The following COG5 variants were observed in gnomAD, a reference collection of about 807,000 sequenced individuals.
COG5 encodes the protein conserved oligomeric Golgi complex subunit 5.
COG5 carries 86 observed loss-of-function variants against 110.4 expected under a neutral mutation model. That is an observed-to-expected ratio of 0.78 (90% CI 0.65 to 0.93). The LOEUF is 0.93. Ranked by LOEUF, COG5 falls within the 40% of genes least tolerant of loss-of-function variation. The pLI is 0.00. For synonymous variants in COG5, 360 were observed against 334.6 expected (o/e 1.08, Z -0.83); for missense variants, 1,077 against 987.0 (o/e 1.09, Z -1.22).
intron 6 of COG5, among the ~76,000 whole-genome samples, chr7:107,434,170 A>C (rs1202489916): frequency 6.6e-6 from 1 of 152,082 alleles, no homozygotes; most frequent in African/African-American, 2.4e-5. Context: ...GAAAATAACA[A>C]CTGTTGGCAA....
intron 6 of COG5, among the ~76,000 whole-genome samples, chr7:107,452,267 G>A (rs534241036): frequency 6.6e-5 from 10 of 152,080 alleles, no homozygotes; most frequent in Non-Finnish European, 1.0e-4. Context: ...AATACAAGTC[G>A]GATTACATTA....
intron 10 of COG5, among the ~76,000 whole-genome samples, chr7:107,331,911 G>A (rs1296108794): frequency 6.7e-6 from 1 of 148,514 alleles, no homozygotes; most frequent in Non-Finnish European, 1.5e-5. Flanking sequence ...GCACGATCTC[G>A]GCTCACTGCA....
intron 19 of COG5, among the ~76,000 whole-genome samples, chr7:107,222,891 TA>T (rs541252214): frequency 8.0e-5 from 12 of 150,674 alleles, no homozygotes; most frequent in Admixed American, 6.6e-5. Flanking sequence ...TAGGTCTCAT[TA>T]AAAAAAAACT....
chr7:107,278,781 T>C (rs1163064002), intron 14 of COG5, among the ~76,000 whole-genome samples: 1 of 152,030 alleles, frequency 6.6e-6, no homozygotes, highest in East Asian at 1.9e-4. Context: ...TATACAAAAA[T>C]TAACTCAAGA....
chr7:107,282,945 T>C (rs1182201601), intron 13 of COG5, among the ~76,000 whole-genome samples: 5 of 152,228 alleles, frequency 3.3e-5, no homozygotes, highest in Non-Finnish European at 7.3e-5. Context: ...AGATCTACTA[T>C]TATGACAACT....
chr7:107,463,438 G>GAGGGGAA (rs1010134646), intron 6 of COG5, among the ~76,000 whole-genome samples: 4 of 152,316 alleles, frequency 2.6e-5, no homozygotes, highest in Non-Finnish European at 2.9e-5. Context: ...ATCACCCAGG[G>GAGGGGAA]AGGGGAAAGG....
intron 5 of COG5, among the ~76,000 whole-genome samples, chr7:107,547,540 G>A (rs1305922881): frequency 6.6e-6 from 1 of 152,150 alleles, no homozygotes; most frequent in Non-Finnish European, 1.5e-5. Flanking sequence ...TTAGGCAAGT[G>A]AGAAATAAAA....
intron 6 of COG5, among the ~76,000 whole-genome samples, chr7:107,450,842 T>G (rs539493509): frequency 6.6e-6 from 1 of 152,312 alleles, no homozygotes; most frequent in Admixed American, 6.5e-5. Context: ...CTGAAGTCAG[T>G]ACCTTGCCTT....
chr7:107,350,878 C>T (rs1812076950), intron 10 of COG5, among the ~76,000 whole-genome samples: 1 of 152,192 alleles, frequency 6.6e-6, no homozygotes, highest in African/African-American at 2.4e-5. Context: ...CCATCTTGTG[C>T]ATTCACCTAT....
intron 7 of COG5, among the ~76,000 whole-genome samples, chr7:107,389,967 T>C (rs1433249291): frequency 1.3e-5 from 2 of 152,200 alleles, no homozygotes; most frequent in South Asian, 2.1e-4. Context: ...AGGGAACCAA[T>C]ATTTCTATTT....
intron 6 of COG5, among the ~76,000 whole-genome samples, chr7:107,427,695 G>A (rs1161588262): frequency 6.6e-6 from 1 of 151,934 alleles, no homozygotes; most frequent in Non-Finnish European, 1.5e-5. Context: ...CAGCCCACTG[G>A]GCTGTGCCTT....
chr7:107,507,085 C>A (rs11974387), intron 6 of COG5, among the ~76,000 whole-genome samples: 14,543 of 152,100 alleles, frequency 0.096, 1,716 homozygotes, highest in African/African-American at 0.28. Context: ...TAAAGGTCTT[C>A]CCCTGTGGGT....
At chr7:107,507,226 A>T (rs1799082075) in intron 6 of COG5, among the ~76,000 whole-genome samples, 2 of 152,022 alleles carry the variant, frequency 1.3e-5, no homozygotes, top group South Asian at 4.1e-4. Flanking sequence ...TTCAAAGCTC[A>T]TGGTTTATTT....
chr7:107,538,054 A>G (rs1801718753), intron 5 of COG5, among the ~76,000 whole-genome samples: 1 of 152,226 alleles, frequency 6.6e-6, no homozygotes, highest in South Asian at 2.1e-4. Context: ...TAGATAAGCA[A>G]GCTGGAAATT....
At chr7:107,544,006 C>G (rs932404652) in intron 5 of COG5, among the ~76,000 whole-genome samples, 4 of 152,162 alleles carry the variant, frequency 2.6e-5, no homozygotes, top group Admixed American at 6.5e-5. Flanking sequence ...CAGACCCAGC[C>G]TCCAGGCCAG....
intron 7 of COG5, among the ~76,000 whole-genome samples, chr7:107,408,143 G>A (rs1310277831): frequency 1.3e-5 from 2 of 152,128 alleles, no homozygotes; most frequent in Non-Finnish European, 2.9e-5. Flanking sequence ...GGACAAATCT[G>A]GTTTATTGCT....
intron 7 of COG5, among the ~76,000 whole-genome samples, chr7:107,383,327 C>T (rs1038074942): frequency 6.6e-5 from 10 of 151,918 alleles, no homozygotes; most frequent in African/African-American, 2.4e-4. Flanking sequence ...AAAACTGGAC[C>T]TGAGGGATCC....
intron 16 of COG5, among the ~76,000 whole-genome samples, chr7:107,248,972 G>A (rs1049532149): frequency 6.6e-6 from 1 of 152,074 alleles, no homozygotes; most frequent in East Asian, 1.9e-4. Context: ...GGGTACATGT[G>A]CAGATTTATT....
At chr7:107,265,513 A>G (rs954299975) in intron 14 of COG5, among the ~76,000 whole-genome samples, 2 of 152,068 alleles carry the variant, frequency 1.3e-5, no homozygotes, top group African/African-American at 4.8e-5. Context: ...TGGGCTCAAG[A>G]AGTCACCTTT....
Sources: gnomAD v4.1 joint callset for allele counts (sites outside exome capture counted in the v4.1 genomes callset) on GRCh38, gnomAD v4.1.1 for gene constraint, MANE v1.5 for transcripts, NCBI Gene and HGNC (gene_info 2026-07-23, HGNC 2026-07-21) for gene names.